TIAM2: variants seen among roughly 807,000 people sequenced by gnomAD.
TIAM2 encodes rho guanine nucleotide exchange factor TIAM2.
TIAM2 carries 80 observed loss-of-function variants against 152.9 expected under a neutral mutation model. The ratio of observed to expected loss-of-function variants is 0.52; its 90% CI spans 0.44 to 0.63. TIAM2 has a LOEUF of 0.63. TIAM2 is among the 30% of genes least tolerant of loss of function. The pLI, the probability that TIAM2 is intolerant of heterozygous loss-of-function variation, is 0.00. For missense variants in TIAM2, 1,965 were observed against 2,120.1 expected (o/e 0.93, Z 1.44); for synonymous variants, 804 against 838.0 (o/e 0.96, Z 0.70).
At chr6:155,012,117 C>G (rs1778500024) in intron 1 of TIAM2, among the ~76,000 whole-genome samples, 1 of 152,178 alleles carries the variant, frequency 6.6e-6, no homozygotes, top group South Asian at 2.1e-4. Flanking sequence ...AAATAACATA[C>G]AGTGTTTGAA....
At chr6:155,025,605 C>T (rs1425363813) in intron 1 of TIAM2, among the ~76,000 whole-genome samples, 2 of 152,018 alleles carry the variant, frequency 1.3e-5, no homozygotes, top group African/African-American at 2.4e-5. Flanking sequence ...AGGTGTGAGG[C>T]ACTGCACCCG....
chr6:155,068,704 G>A (rs113116243), intron 1 of TIAM2, among the ~76,000 whole-genome samples: 3 of 151,450 alleles, frequency 2.0e-5, no homozygotes, highest in Admixed American at 6.6e-5. Flanking sequence ...TGATCCGTCC[G>A]CCTCGGCCTC....
At chr6:155,115,469 T>C (rs1778986047) in intron 2 of TIAM2, among the ~76,000 whole-genome samples, 1 of 151,746 alleles carries the variant, frequency 6.6e-6, no homozygotes, top group South Asian at 2.1e-4. Context: ...GGCAACATAG[T>C]GAGACCCTGT....
chr6:155,158,450 TAATG>T (rs1780177135), intron 7 of TIAM2, among the ~76,000 whole-genome samples: 1 of 152,230 alleles, frequency 6.6e-6, no homozygotes, highest in South Asian at 2.1e-4. Flanking sequence ...CAATGAAAGA[TAATG>T]AAAACCTTCT....
At chr6:155,002,863 GT>G (rs35428302) in intron 1 of TIAM2, among the ~76,000 whole-genome samples, 3 of 148,104 alleles carry the variant, frequency 2.0e-5, no homozygotes, top group African/African-American at 2.5e-5. Flanking sequence ...GTGTGTGTGT[GT>G]TTTTTTTTTA....
intron 1 of TIAM2, among the ~76,000 whole-genome samples, chr6:155,088,579 A>C (rs1442163841): frequency 8.1e-6 from 1 of 123,904 alleles, no homozygotes; most frequent in Non-Finnish European, 1.8e-5. Context: ...TCATATTTCC[A>C]TTTTATAGTT....
intron 1 of TIAM2, among the ~76,000 whole-genome samples, chr6:155,052,605 A>C (rs1438471672): frequency 6.6e-6 from 1 of 151,994 alleles, no homozygotes; most frequent in Non-Finnish European, 1.5e-5. Context: ...GTCACTACTA[A>C]AACTACAAAA....
chr6:155,042,910 A>G (rs1433862158), intron 1 of TIAM2, among the ~76,000 whole-genome samples: 1 of 152,096 alleles, frequency 6.6e-6, no homozygotes, highest in Non-Finnish European at 1.5e-5. Context: ...CCATCTCCTC[A>G]ATCTTCCCTC....
intron 1 of TIAM2, among the ~76,000 whole-genome samples, chr6:155,006,853 T>A (rs917552296): frequency 6.6e-6 from 1 of 151,986 alleles, no homozygotes; most frequent in African/African-American, 2.4e-5. Context: ...CACACCCAGC[T>A]AATTTTTTTG....
chr6:155,168,450 C>T (rs559860801), intron 9 of TIAM2, among the ~76,000 whole-genome samples: 14 of 152,200 alleles, frequency 9.2e-5, no homozygotes, highest in Admixed American at 5.2e-4. Flanking sequence ...CTCCGCCTCC[C>T]GGGTTCAAGT....
chr6:155,233,611 T>C (rs932942195), intron 15 of TIAM2, among the ~76,000 whole-genome samples: 4 of 152,146 alleles, frequency 2.6e-5, no homozygotes, highest in Non-Finnish European at 1.5e-5. Context: ...AGTGGGATGC[T>C]CCTCATCTAT....
intron 1 of TIAM2, among the ~76,000 whole-genome samples, chr6:155,067,285 C>T (rs1392661884): frequency 1.3e-5 from 2 of 152,080 alleles, no homozygotes; most frequent in Admixed American, 1.3e-4. Flanking sequence ...TACCTAGAAC[C>T]TTTCTCACCC....
chr6:155,125,081 GCTAACATGGTGAAACCCCGTCTCTA>G (rs1318909195), intron 2 of TIAM2, among the ~76,000 whole-genome samples: 4 of 151,916 alleles, frequency 2.6e-5, no homozygotes, highest in Non-Finnish European at 5.9e-5. Context: ...GACCAGCCTG[GCTAACATGGTGAAACCCCGTCTCTA>G]CTAAAAATAC....
At chr6:155,234,990 G>A (rs1286901773) in intron 15 of TIAM2, among the ~76,000 whole-genome samples, 2 of 117,856 alleles carry the variant, frequency 1.7e-5, no homozygotes, top group Admixed American at 7.8e-5. Context: ...AGCTAGAGAC[G>A]GAGCACAGCT....
At chr6:155,123,603 G>C (rs957567464) in intron 2 of TIAM2, among the ~76,000 whole-genome samples, 1 of 152,156 alleles carries the variant, frequency 6.6e-6, no homozygotes, top group African/African-American at 2.4e-5. Flanking sequence ...CTAACCTGCC[G>C]CTGGGGCAGA....
intron 1 of TIAM2, among the ~76,000 whole-genome samples, chr6:155,061,951 A>T (rs898121914): frequency 6.6e-6 from 1 of 152,166 alleles, no homozygotes; most frequent in Non-Finnish European, 1.5e-5. Flanking sequence ...TCCTTCAAAA[A>T]ATTCCTTTGT....
chr6:155,055,333 C>T (rs1018631628), intron 1 of TIAM2, among the ~76,000 whole-genome samples: 5 of 152,078 alleles, frequency 3.3e-5, no homozygotes, highest in African/African-American at 1.2e-4. Context: ...AAAAGTTCTC[C>T]AAAGAAAACT....
chr6:155,131,618 T>C (rs569605685), intron 4 of TIAM2, among the ~76,000 whole-genome samples: 17 of 151,966 alleles, frequency 1.1e-4, no homozygotes, highest in Admixed American at 1.1e-3. Context: ...ATCGCTCCGT[T>C]GTACAGGCTG....
In TIAM2 at chr6:155,245,253, G is replaced by A. The variant is rs892646518; in HGVS notation, c.3544-370G>A. 7.2e-5 allele frequency among the ~76,000 whole-genome samples: 11 copies of A among 152,314 alleles called. 4 individuals carry two copies. The highest frequency in any genetic ancestry group is 6.5e-4 in the Admixed American group (10 of 15,304). ...CAGTGTGGCAGGAAGCCCCTCCAAG[G>A]GGACCTGGAACCATACAGACAGCAT... On this transcript the variant is annotated intron_variant, in intron 18 of 26. Transcript: ENST00000682666.
Sources: gnomAD v4.1 joint callset for allele counts (sites outside exome capture counted in the v4.1 genomes callset) on GRCh38, gnomAD v4.1.1 for gene constraint, MANE v1.5 for transcripts, NCBI Gene and HGNC (gene_info 2026-07-23, HGNC 2026-07-21) for gene names.